The following MEF2C variants were observed in gnomAD, a reference collection of about 807,000 sequenced individuals.
MEF2C encodes myocyte enhancer factor 2C, also known as myocyte-specific enhancer factor 2C.
A neutral mutation model predicts 50.5 loss-of-function variants in MEF2C; 6 were observed. The observed-to-expected ratio is 0.12, with a 90% CI of 0.07 to 0.23. The LOEUF (loss-of-function observed/expected upper bound fraction) is 0.23, where lower values mean the gene tolerates loss of function less well. Ranked by LOEUF, MEF2C falls within the 10% of genes least tolerant of loss-of-function variation. The probability of loss-of-function intolerance (pLI) is 1.00; values close to 1 mark genes in which losing one functional copy is unlikely to be tolerated. For synonymous variants in MEF2C, 183 were observed against 228.0 expected (o/e 0.80, Z 1.78); for missense variants, 276 against 605.0 (o/e 0.46, Z 5.70).
chr5:88,740,855 T>C, intron 6 of MEF2C: 1 of 985,364 alleles, frequency 1.0e-6, no homozygotes, highest in Middle Eastern at 5.2e-4. Flanking sequence ...TTTGGGGCTG[T>C]CTCTTTGCTA....
intron 9 of MEF2C, 24 bp downstream of exon 9, chr5:88,729,194 A>G: frequency 6.2e-7 from 1 of 1,612,316 alleles, no homozygotes. Context: ...TAGTGTACTA[A>G]TTGCACATGA....
At chr5:88,817,143 C>T (rs1235459591) in intron 2 of MEF2C, among the ~76,000 whole-genome samples, 3 of 151,936 alleles carry the variant, frequency 2.0e-5, no homozygotes, top group Non-Finnish European at 4.4e-5. Context: ...TTGTATTTCT[C>T]AATTATCCAG....
At chr5:88,870,631 CT>C (rs1378851891) in intron 1 of MEF2C, among the ~76,000 whole-genome samples, 7 of 152,078 alleles carry the variant, frequency 4.6e-5, no homozygotes, top group Non-Finnish European at 1.0e-4. Flanking sequence ...CTCTTTTAGC[CT>C]GTCAATTTTA....
chr5:88,743,903 A>G, intron 6 of MEF2C: 1 of 915,472 alleles, frequency 1.1e-6, no homozygotes, highest in Non-Finnish European at 1.3e-6. Flanking sequence ...ATTTACAATA[A>G]ATGCCAATTA....
chr5:88,724,559 A>G (rs889923779), intron 10 of MEF2C, among the ~76,000 whole-genome samples: 5 of 152,276 alleles, frequency 3.3e-5, no homozygotes, highest in Admixed American at 1.3e-4. Context: ...ATTTATATCA[A>G]GAAACTACAC....
intron 6 of MEF2C, among the ~76,000 whole-genome samples, chr5:88,732,236 T>G (rs1336202859): frequency 6.6e-6 from 1 of 152,178 alleles, no homozygotes; most frequent in African/African-American, 2.4e-5. Flanking sequence ...TCTTGCACTT[T>G]AATTGACTAG....
intron 5 of MEF2C, chr5:88,750,052 G>C: frequency 1.9e-6 from 1 of 526,310 alleles, no homozygotes; most frequent in Non-Finnish European, 2.4e-6. Flanking sequence ...ATTACTTTTA[G>C]TTTTGAAAAA....
intron 6 of MEF2C, chr5:88,746,593 G>A: frequency 3.0e-6 from 3 of 985,350 alleles, no homozygotes; most frequent in Non-Finnish European, 3.6e-6. Flanking sequence ...GCAAAATTTG[G>A]AAGCTATATT....
At chr5:88,758,822 C>T (rs1035422097) in intron 4 of MEF2C, among the ~76,000 whole-genome samples, 3 of 152,204 alleles carry the variant, frequency 2.0e-5, no homozygotes, top group African/African-American at 4.8e-5. Flanking sequence ...CAGCCCCTAC[C>T]ACACACCACT....
At chr5:88,800,610 G>A (rs1372994177) in intron 3 of MEF2C, among the ~76,000 whole-genome samples, 1 of 152,132 alleles carries the variant, frequency 6.6e-6, no homozygotes, top group Non-Finnish European at 1.5e-5. Context: ...AAACTGGTAG[G>A]GTTTGCTGTC....
At chr5:88,868,808 T>C (rs949812669) in intron 1 of MEF2C, among the ~76,000 whole-genome samples, 6 of 152,200 alleles carry the variant, frequency 3.9e-5, no homozygotes, top group Admixed American at 1.3e-4. Flanking sequence ...AGTTATCTGA[T>C]GTGTAAGATT....
intron 3 of MEF2C, among the ~76,000 whole-genome samples, chr5:88,801,591 C>G (rs2153051285): frequency 6.6e-6 from 1 of 151,618 alleles, no homozygotes; most frequent in South Asian, 2.1e-4. Context: ...CTCCCGTGTT[C>G]AGGCCATTCT....
At chr5:88,810,977 A>G (rs1385139885) in intron 2 of MEF2C, among the ~76,000 whole-genome samples, 6 of 152,162 alleles carry the variant, frequency 3.9e-5, no homozygotes, top group African/African-American at 1.4e-4. Context: ...AAACAATTAC[A>G]AAAGTTCAGG....
At chr5:88,797,780 T>TA (rs1476607482) in intron 3 of MEF2C, among the ~76,000 whole-genome samples, 1 of 152,212 alleles carries the variant, frequency 6.6e-6, no homozygotes, top group Non-Finnish European at 1.5e-5. Context: ...CAGTGGCTGT[T>TA]ACCAGTTTTT....
intron 1 of MEF2C, among the ~76,000 whole-genome samples, chr5:88,845,149 A>G (rs977813080): frequency 2.0e-5 from 3 of 152,242 alleles, no homozygotes; most frequent in African/African-American, 7.2e-5. Context: ...ACTGCATGTA[A>G]AAGTTGAAGC....
intron 4 of MEF2C, among the ~76,000 whole-genome samples, chr5:88,756,217 T>C (rs1775219354): frequency 6.6e-6 from 1 of 152,198 alleles, no homozygotes; most frequent in Admixed American, 6.5e-5. Flanking sequence ...ATATATTGCA[T>C]ACTGGTGGGG....
chr5:88,891,141 T>C (rs1381742451), intron 1 of MEF2C, among the ~76,000 whole-genome samples: 1 of 152,198 alleles, frequency 6.6e-6, no homozygotes, highest in Admixed American at 6.5e-5. Flanking sequence ...TGTCATAGAT[T>C]CATATAATGC....
chr5:88,794,954 G>C (rs1795370321), intron 3 of MEF2C, among the ~76,000 whole-genome samples: 1 of 152,148 alleles, frequency 6.6e-6, no homozygotes, highest in African/African-American at 2.4e-5. Flanking sequence ...GATAGTTGTA[G>C]ATGTGTGGCA....
chr5:88,775,795 A>C, intron 3 of MEF2C: 4 of 982,842 alleles, frequency 4.1e-6, no homozygotes, highest in Non-Finnish European at 4.8e-6. Context: ...TAAAAGCTAG[A>C]GTGACACTGA....
Sources: allele counts gnomAD v4.1 joint callset (sites outside exome capture counted in the v4.1 genomes callset), GRCh38; gene constraint gnomAD v4.1.1; transcripts MANE v1.5; gene names NCBI Gene and HGNC (gene_info 2026-07-23, HGNC 2026-07-21).